ZNF16: variants seen among roughly 807,000 people sequenced by gnomAD.
ZNF16 encodes zinc finger protein KOX9.
Under a neutral mutation model 9.0 loss-of-function variants are expected in ZNF16, and 7 were observed. The observed-to-expected ratio is 0.78, with a 90% CI of 0.44 to 1.47. The LOEUF is 1.47. Among genes scored for constraint, ZNF16 ranks in the 40% most tolerant of loss-of-function variants. The probability of loss-of-function intolerance (pLI) is 0.01; values close to 1 mark genes in which losing one functional copy is unlikely to be tolerated. For missense variants in ZNF16, 830 were observed against 854.2 expected (o/e 0.97, Z 0.35); for synonymous variants, 312 against 301.5 (o/e 1.03, Z -0.36).
rs1214526633 is a variant in ZNF16 at position 144,942,709 on chromosome 8, AC to A, written c.196+3301del. Among the ~76,000 whole-genome samples, 6 of 152,182 alleles carry A rather than the reference AC, an allele frequency of 3.9e-5. No individual in the cohort carries two copies. In the Middle Eastern group the frequency reaches 0.01, roughly 259 times the overall value. On this transcript the variant is annotated intron_variant, in intron 2 of 2. Coordinates refer to ENST00000394909, the MANE Select transcript of ZNF16 (RefSeq NM_006958.3). ...AAATCTCTGCTTCTCTACAGATGTT[AC>A]CCCCCTTATGTTGTTGTCATCACAG...
rs565809163 is a variant in ZNF16 at position 144,933,681 on chromosome 8, C to T, written c.197-1091G>A. Among the ~76,000 whole-genome samples the T allele has an allele frequency of 6.6e-6, 1 of 152,260 alleles. No homozygotes were observed. Among genetic ancestry groups the T allele is most frequent in the African/African-American group, 2.4e-5 (1 of 41,546 alleles). On this transcript the variant is annotated intron_variant, in intron 2 of 2. Transcript: ENST00000394909. This position sits in a 1 kb window ranked among gnomAD's most constrained non-coding sequence, Gnocchi z 5.6. ...CATGCACTCAAACATCCTCTCAGTG[C>T]CTCCTGGCCCTCCTAGACCCCACCT...
rs556977511 is a variant in ZNF16, at chr8:144,941,904, C to T, written c.196+4107G>A. Among the ~76,000 whole-genome samples, 177 of 151,484 alleles carry T rather than the reference C, an allele frequency of 1.2e-3. 1 individual carries two copies. The highest frequency in any genetic ancestry group is 6.9e-3 in the Middle Eastern group (2 of 290). On this transcript the variant is annotated intron_variant, in intron 2 of 2. Coordinates refer to ENST00000394909, the MANE Select transcript of ZNF16 (RefSeq NM_006958.3). ...CAATCTCCTGACCTCATGATCTGCC[C>T]ACCTCAGCCCCCAAAGTGCTGGGAT...
In ZNF16 at chr8:144,931,515, G is replaced by C. The variant is rs764797509; in HGVS notation, c.1272C>G (p.His424Gln). 2 of 1,613,594 alleles carry C rather than the reference G, an allele frequency of 1.2e-6. No individual in the cohort carries two copies. Among genetic ancestry groups the C allele is most frequent in the Non-Finnish European group, 1.7e-6 (2 of 1,179,900 alleles). Residue 424 changes from histidine to glutamine, a missense_variant, in exon 3 of 3, where the codon CAC (histidine) becomes CAG (glutamine). His to Gln is a conservative substitution (Grantham distance 24). Transcript: ENST00000394909. Reference protein sequence around the residue: ...FSRVSNLIKHHRVHTGEKPYK... With the variant: ...FSRVSNLIKHQRVHTGEKPYK... ...AGGGCTTCTCTCCAGTGTGAACCCT[G>C]TGGTGCTTAATGAGGTTGGAGACCC...
In ZNF16 at chr8:144,932,079, G is replaced by T. The variant is rs1833563667; in HGVS notation, c.708C>A (p.Ser236=). 2 of 1,613,868 alleles carry T rather than the reference G, an allele frequency of 1.2e-6. No homozygotes were observed. The highest frequency in any genetic ancestry group is 2.2e-5 in the South Asian group (2 of 91,060). Reference sequence around the variant, plus strand: ...TTTTCCCACAATCATCACACATAAAGGAAGCCTCCCCAGTGTGGACTATTT... The same window carrying T: ...TTTTCCCACAATCATCACACATAAATGAAGCCTCCCCAGTGTGGACTATTT... ...QRQIVHTGEA[S]FMCDDCGKTF... The change falls in exon 3 of 3, where the codon TCC becomes TCA. Residue 236 remains serine (S), a synonymous_variant. Transcript: ENST00000394909. This position sits in a 1 kb window ranked among gnomAD's most constrained non-coding sequence, Gnocchi z 5.0.
chr8:144,946,286 C>CG, intron 1 of ZNF16, 71 bp from the exon 2 acceptor site: 2 of 1,356,136 alleles, frequency 1.5e-6, no homozygotes, highest in Non-Finnish European at 1.9e-6. Context: ...CCCATCAGGC[C>CG]GGGGTCTCTT....
chr8:144,941,700 C>A, intron 2 of ZNF16, among the ~76,000 whole-genome samples: 1 of 151,642 alleles, frequency 6.6e-6, no homozygotes, highest in Non-Finnish European at 1.5e-5. Flanking sequence ...TCGCTGTCAC[C>A]CAGGCTGGAG....
chr8:144,941,876 T>A (rs1381803318), intron 2 of ZNF16, among the ~76,000 whole-genome samples: 1 of 151,618 alleles, frequency 6.6e-6, no homozygotes, highest in Admixed American at 6.6e-5. Flanking sequence ...GCCAGGATGG[T>A]CTCAATCTCC....
Position 144,946,287 on chromosome 8 carries a change from G to A in ZNF16, c.-9-72C>T, listed in dbSNP as rs947763511. 7.6e-5 allele frequency: 103 copies of A among 1,353,086 alleles called. No individual in the cohort carries two copies. In the African/African-American group the frequency reaches 9.1e-4, roughly 12 times the overall value. The allele number at this position is 1,353,086 out of a possible 1,614,324, so 83.8% of individuals were successfully genotyped here. ...TAGGGATTCATCCTCCCATCAGGCC[G>A]GGGTCTCTTCCTCCACCCCTGCAGC... is the stretch of plus-strand genomic sequence containing the variant. On this transcript the variant is annotated intron_variant, in intron 1 of 2. Transcript: ENST00000394909.
chr8:144,939,177 TTTTC>T (rs1459767369), intron 2 of ZNF16, among the ~76,000 whole-genome samples: 2 of 152,222 alleles, frequency 1.3e-5, no homozygotes, highest in African/African-American at 4.8e-5. Context: ...TGTAATTTTC[TTTTC>T]TTGTCTTCAA....
At chr8:144,940,776 CT>C (rs1249223746) in intron 2 of ZNF16, among the ~76,000 whole-genome samples, 1 of 152,222 alleles carries the variant, frequency 6.6e-6, no homozygotes, top group Non-Finnish European at 1.5e-5. Context: ...GCTCACAGTT[CT>C]GGAGGCTGGG....
At chr8:144,947,171 G>A (rs1277007754) in intron 1 of ZNF16, among the ~76,000 whole-genome samples, 1 of 135,378 alleles carries the variant, frequency 7.4e-6, no homozygotes, top group Non-Finnish European at 1.5e-5. Flanking sequence ...ACCCTGCTGT[G>A]GGCCTGTGTC....
At chr8:144,938,016 T>G (rs776672088) in intron 2 of ZNF16, among the ~76,000 whole-genome samples, 20 of 152,238 alleles carry the variant, frequency 1.3e-4, no homozygotes, top group Non-Finnish European at 1.9e-4. Flanking sequence ...CAGCACCATT[T>G]GCAGAAGGGC....
At position 144,932,014 on chromosome 8, in the gene ZNF16, G is replaced by C. The variant is rs1331731441; in HGVS notation, c.773C>G (p.Ser258Cys). 7 of 1,614,024 alleles carry C rather than the reference G, an allele frequency of 4.3e-6. No individual in the cohort carries two copies. Among genetic ancestry groups the C allele is most frequent in the Non-Finnish European group, 5.9e-6 (7 of 1,180,024 alleles). ...QNSVLKNRHR[S>C]HMSEKAYQCS... ...CTGGTAAGCTTTCTCACTCATATGA[G>C]ATCGATGACGGTTTTTAAGAACTGA... The change falls in exon 3 of 3, where the codon TCT (serine) becomes TGT (cysteine). Residue 258 changes from serine (S) to cysteine (C), a missense_variant. By Grantham distance (112) the Ser-to-Cys change is moderately radical (BLOSUM62 -1). Transcript: ENST00000394909. This position sits in a 1 kb window ranked among gnomAD's most constrained non-coding sequence, Gnocchi z 5.0.
intron 2 of ZNF16, among the ~76,000 whole-genome samples, chr8:144,937,135 T>TTC (rs1554659148): frequency 2.0e-4 from 26 of 127,686 alleles, no homozygotes; most frequent in African/African-American, 6.7e-4. Flanking sequence ...TTCACTTTCT[T>TTC]TCTCTCTCTT....
At chr8:144,947,113 C>T (rs1230893321) in intron 1 of ZNF16, among the ~76,000 whole-genome samples, 1 of 133,834 alleles carries the variant, frequency 7.5e-6, no homozygotes, top group African/African-American at 3.1e-5. Flanking sequence ...CTGTGTCCTG[C>T]TGTGGGGCCT....
chr8:144,949,943 ACT>A (rs1456956125), intron 1 of ZNF16, among the ~76,000 whole-genome samples: 3 of 151,942 alleles, frequency 2.0e-5, no homozygotes, highest in Non-Finnish European at 4.4e-5. Flanking sequence ...GAGGAAGGCC[ACT>A]CTCTCCTGCC....
At chr8:144,938,860 C>CTT (rs1833740770) in intron 2 of ZNF16, among the ~76,000 whole-genome samples, 2 of 151,938 alleles carry the variant, frequency 1.3e-5, no homozygotes, top group South Asian at 4.1e-4. Context: ...ATGATGTCAG[C>CTT]TTGAGGGTTT....
intron 1 of ZNF16, among the ~76,000 whole-genome samples, chr8:144,947,647 C>T (rs897810028): frequency 6.6e-6 from 1 of 152,176 alleles, no homozygotes; most frequent in African/African-American, 2.4e-5. Flanking sequence ...TTTACTTGCA[C>T]CAGCTACTCC....
At chr8:144,950,144 AG>A (rs111836734) in intron 1 of ZNF16, among the ~76,000 whole-genome samples, 1,652 of 152,298 alleles carry the variant, frequency 0.011, 26 homozygotes, top group African/African-American at 0.037. Context: ...ATCCAGGCAT[AG>A]TACCTCCCCT....
Sources: gnomAD v4.1 joint callset for allele counts (sites outside exome capture counted in the v4.1 genomes callset) on GRCh38, gnomAD v4.1.1 for gene constraint, Gnocchi (gnomAD v3.1) non-coding constraint, MANE v1.5 for transcripts, NCBI Gene and HGNC (gene_info 2026-07-23, HGNC 2026-07-21) for gene names.